RNF213: variants seen among roughly 807,000 people sequenced by gnomAD.
The protein encoded by RNF213 is ring finger protein 213, also known as E3 ubiquitin-protein ligase RNF213.
Under a neutral mutation model 514.4 loss-of-function variants are expected in RNF213, and 341 were observed. The ratio of observed to expected loss-of-function variants is 0.66; its 90% CI spans 0.61 to 0.73. The LOEUF (loss-of-function observed/expected upper bound fraction) is 0.73, where lower values mean the gene tolerates loss of function less well. RNF213 is among the 30% of genes least tolerant of loss of function. The pLI is 0.00. For missense variants in RNF213, 5,767 were observed against 6,615.6 expected (o/e 0.87, Z 4.45); for synonymous variants, 2,655 against 2,658.2 (o/e 1.00, Z 0.04).
chr17:80,311,143 A>G (rs998826062), intron 14 of RNF213, among the ~76,000 whole-genome samples: 1 of 152,248 alleles, frequency 6.6e-6, no homozygotes, highest in Non-Finnish European at 1.5e-5. Flanking sequence ...GGGATCTCAG[A>G]TAAGTTTAAT....
chr17:80,260,920 G>GAGTC lies in RNF213; in HGVS notation c.-109+19_-109+22dup, dbSNP rs2043390825. The GAGTC allele has an allele frequency of 6.6e-6, 1 of 151,420 alleles. No homozygotes were observed. Among genetic ancestry groups the GAGTC allele is most frequent in the East Asian group, 2.0e-4 (1 of 5,086 alleles). 9.4% of individuals were successfully genotyped at this position (151,420 alleles called of 1,614,324 possible). ...GGCCGCAGGTGCGAGCGGGCCTGGAGAGTCTCCCGGGGCGGGGAGCGGGCT... is the reference window on the plus strand; with the variant it reads ...GGCCGCAGGTGCGAGCGGGCCTGGAGAGTCAGTCTCCCGGGGCGGGGAGCGGGCT... On this transcript the variant is annotated intron_variant, in intron 1 of 67. Coordinates refer to ENST00000582970, the MANE Select transcript of RNF213 (RefSeq NM_001256071.3).
chr17:80,385,661 G>C lies in RNF213; in HGVS notation c.14539+40G>C, dbSNP rs1218296494. 4.5e-6 allele frequency: 7 copies of C among 1,556,452 alleles called. No homozygotes were observed. In the Admixed American group the frequency reaches 6.7e-5, roughly 15 times the overall value. On this transcript the variant is annotated intron_variant, in intron 61 of 67. Transcript: ENST00000582970. ...CCCTGTACCACTAAGCGTTCCAGGA[G>C]AGCCTCGTCTGAAAGCTCTTCTCGT...
rs563775857 is a variant in RNF213 at position 80,324,436 on chromosome 17, G to A, written c.3025-594G>A. On this transcript the variant is annotated intron_variant, in intron 17 of 67. Coordinates refer to ENST00000582970, the MANE Select transcript of RNF213 (RefSeq NM_001256071.3). ...TCCCTGAGATAAATTACACTTGATC[G>A]TGGTGTATAGTTCCTTTAACATGGG... Among the ~76,000 whole-genome samples the A allele has an allele frequency of 7.2e-5, 11 of 152,254 alleles. No individual in the cohort carries two copies. In the South Asian group the frequency reaches 1.9e-3, roughly 26 times the overall value.
intron 40 of RNF213, 70 bp downstream of exon 40, chr17:80,363,384 C>A: frequency 6.8e-7 from 1 of 1,472,610 alleles, no homozygotes; most frequent in Non-Finnish European, 9.5e-7. Context: ...GAATGGAGAG[C>A]TTCTGGGGCT....
rs988454073 is a variant in RNF213 at position 80,396,369 on chromosome 17, A to C, written c.*2871A>C. 2.0e-5 allele frequency: 3 copies of C among 152,220 alleles called. No homozygotes were observed. The highest frequency in any genetic ancestry group is 7.2e-5 in the African/African-American group (3 of 41,442). 9.4% of individuals were successfully genotyped at this position (152,220 alleles called of 1,614,324 possible). A position where few individuals can be genotyped will look rare whatever the true frequency, so the allele number is the denominator to read the frequency against. ...AACCGAGACGGCCCTGAGCTATTTCAGTTACTCCTGTATGTTCAGGCAATT... is the reference window on the plus strand; with the variant it reads ...AACCGAGACGGCCCTGAGCTATTTCCGTTACTCCTGTATGTTCAGGCAATT... On this transcript the variant is annotated 3_prime_UTR_variant, in exon 68 of 68. Coordinates refer to ENST00000582970, the MANE Select transcript of RNF213 (RefSeq NM_001256071.3).
chr17:80,384,012 A>G, intron 59 of RNF213, 84 bp downstream of exon 59: 2 of 1,525,598 alleles, frequency 1.3e-6, no homozygotes, highest in East Asian at 4.5e-5. Context: ...TTTACGTAGT[A>G]TAATCATTCT....
chr17:80,295,564 G>C lies in RNF213; in HGVS notation c.1763G>C (p.Arg588Thr). Residue 588 changes from arginine to threonine, a missense_variant, in exon 10 of 68, where the codon AGA becomes ACA. Physicochemically the swap from Arg to Thr is moderately conservative, Grantham distance 71 (BLOSUM62 -1). Coordinates refer to ENST00000582970, the MANE Select transcript of RNF213 (RefSeq NM_001256071.3). ...CTCTTCTCCCACCATCAGGTGAAGA[G>C]ATACCTGTGGCAACATCTGAAAAAA... is the stretch of plus-strand genomic sequence containing the variant. ...DLQYREKEVK[R>T]YLWQHLKKHV... 1 of 1,614,168 alleles carries C rather than the reference G, an allele frequency of 6.2e-7. No individual in the cohort carries two copies. Among genetic ancestry groups the C allele is most frequent in the African/African-American group, 1.3e-5 (1 of 75,060 alleles).
At chr17:80,308,421 C>T (rs2045449314) in intron 13 of RNF213, among the ~76,000 whole-genome samples, 1 of 151,880 alleles carries the variant, frequency 6.6e-6, no homozygotes, top group Non-Finnish European at 1.5e-5. Flanking sequence ...CCTCCTGAGT[C>T]CCTCCCAAGG....
chr17:80,311,044 C>T (rs1469766467), intron 14 of RNF213, among the ~76,000 whole-genome samples: 3 of 152,206 alleles, frequency 2.0e-5, no homozygotes, highest in Admixed American at 2.0e-4. Flanking sequence ...CCACAGGCAG[C>T]TGCCAACTTC....
At chr17:80,276,694 G>A (rs1019912995) in intron 3 of RNF213, among the ~76,000 whole-genome samples, 2 of 152,176 alleles carry the variant, frequency 1.3e-5, no homozygotes, top group East Asian at 1.9e-4. Context: ...TACAGTGTTG[G>A]TGGAAATGTT....
chr17:80,319,760 A>C, intron 17 of RNF213: 1 of 1,302,724 alleles, frequency 7.7e-7, no homozygotes. Flanking sequence ...TCTTTTCGGC[A>C]AAGGGGAAGA....
chr17:80,392,075 T>C lies in RNF213; in HGVS notation c.15471-1270T>C, dbSNP rs1394434298. Among the ~76,000 whole-genome samples the C allele has an allele frequency of 2.6e-5, 4 of 152,038 alleles. No individual in the cohort carries two copies. The East Asian group carries it at 5.8e-4, about 22-fold the overall frequency. On this transcript the variant is annotated intron_variant, in intron 67 of 67. Transcript: ENST00000582970. ...GAGCCACTGCGCCCGGCCTGTCCTC[T>C]CTCTTCTTGTGCTTTCACATACTTG...
At chr17:80,320,807 TCTATAAAAA>T (rs1158452983) in intron 17 of RNF213, 2 of 152,064 alleles carry the variant, frequency 1.3e-5, no homozygotes, top group Non-Finnish European at 2.9e-5. Context: ...AGACCCTGTC[TCTATAAAAA>T]CTAAAAAATA....
rs778080177 is a variant in RNF213 at position 80,397,466 on chromosome 17, C to T, written c.*3968C>T. ...CCTGGGCCTGGTAGTTAAAGATCGA[C>T]GCCTGACCTAATCAGTGATGCTATC... On this transcript the variant is annotated 3_prime_UTR_variant, in exon 68 of 68. Transcript: ENST00000582970. 5 of 152,102 alleles carry T rather than the reference C, an allele frequency of 3.3e-5. No individual in the cohort carries two copies. The highest frequency in any genetic ancestry group is 7.2e-5 in the African/African-American group (3 of 41,408). 9.4% of individuals were successfully genotyped at this position (152,102 alleles called of 1,614,324 possible).
chr17:80,379,644 A>G lies in RNF213; in HGVS notation c.13570A>G (p.Ile4524Val), dbSNP rs751293597. 5.6e-6 allele frequency: 9 copies of G among 1,614,234 alleles called. No individual in the cohort carries two copies. The Admixed American group carries it at 6.7e-5, about 12-fold the overall frequency. Residue 4524 changes from isoleucine to valine, a missense_variant, in exon 55 of 68, where the codon ATC (isoleucine) becomes GTC (valine). By Grantham distance (29) the Ile-to-Val change is conservative. This residue lies in a region of RNF213 where 1,245 missense variants were observed against 1,339.0 expected (regional missense o/e 0.93). Coordinates refer to ENST00000582970, the MANE Select transcript of RNF213 (RefSeq NM_001256071.3). Reference sequence around the variant, plus strand: ...GTGTGGCAGGCCGATGGAACAGAGCATCTGCATTGACTGCCATGCGCCGAT... The same window carrying G: ...GTGTGGCAGGCCGATGGAACAGAGCGTCTGCATTGACTGCCATGCGCCGAT... ...GECGRPMEQS[I>V]CIDCHAPIGG... is the part of the protein sequence containing the mutation.
chr17:80,279,057 G>A, intron 3 of RNF213: 1 of 1,020,942 alleles, frequency 9.8e-7, no homozygotes, highest in Non-Finnish European at 1.4e-6. Context: ...GTCACCCTTG[G>A]GCTGTGAAAG....
chr17:80,351,651 T>A, intron 31 of RNF213, 34 bp from the exon 32 acceptor site: 1 of 1,158,726 alleles, frequency 8.6e-7, no homozygotes, highest in Non-Finnish European at 1.3e-6. Context: ...TGTTTGTTTT[T>A]AAAATAGGTA....
intron 11 of RNF213, among the ~76,000 whole-genome samples, chr17:80,302,578 G>T (rs1212795221): frequency 6.6e-6 from 1 of 152,130 alleles, no homozygotes; most frequent in Non-Finnish European, 1.5e-5. Flanking sequence ...AAAAGCAGCT[G>T]GGCTTGGTGG....
intron 6 of RNF213, 48 bp from the exon 7 acceptor site, chr17:80,290,522 G>T (rs1316213923): frequency 6.2e-7 from 1 of 1,611,256 alleles, no homozygotes; most frequent in Admixed American, 1.7e-5. Context: ...CACATGGCAG[G>T]TGGACAGATC....
Sources: allele counts gnomAD v4.1 joint callset (sites outside exome capture counted in the v4.1 genomes callset), GRCh38; gene constraint gnomAD v4.1.1; regional missense constraint gnomAD v4.1.1; transcripts MANE v1.5; gene names NCBI Gene and HGNC (gene_info 2026-07-23, HGNC 2026-07-21).